Variants in NBAS observed in about 807,000 individuals in gnomAD.
NBAS encodes NAG/BC035112 fusion.
A neutral mutation model predicts 302.5 loss-of-function variants in NBAS; 219 were observed. That is an observed-to-expected ratio of 0.72 (90% CI 0.65 to 0.81). The LOEUF (loss-of-function observed/expected upper bound fraction) is 0.81. Ranked by LOEUF, NBAS falls within the 30% of genes least tolerant of loss-of-function variation. NBAS has a pLI of 0.00. For missense variants in NBAS, 2,932 were observed against 2,841.6 expected, an observed-to-expected ratio of 1.03 and a Z score of -0.72; for synonymous variants, 1,118 against 1,021.6, an observed-to-expected ratio of 1.09 and a Z score of -1.80.
At chr2:15,161,041 CTA>C in the NBAS span, among the ~76,000 whole-genome samples, 6 of 152,144 alleles carry the variant, frequency 3.9e-5, no homozygotes, top group Non-Finnish European at 8.8e-5. Context: ...GTCATGGAGA[CTA>C]TTAGCATAGT....
At chr2:14,807,433 C>T in the NBAS span, among the ~76,000 whole-genome samples, 1 of 144,216 alleles carries the variant, frequency 6.9e-6, no homozygotes, top group African/African-American at 2.7e-5. Flanking sequence ...AAAGAGTTTT[C>T]AAATCCCGTG....
intron 48 of NBAS, among the ~76,000 whole-genome samples, chr2:15,202,912 T>G (rs974812475): frequency 6.6e-6 from 1 of 152,198 alleles, no homozygotes; most frequent in African/African-American, 2.4e-5. Context: ...GATGAAGTTT[T>G]AATAGAATAA....
chr2:15,217,904 A>G (rs1666723924), intron 48 of NBAS, among the ~76,000 whole-genome samples: 1 of 152,240 alleles, frequency 6.6e-6, no homozygotes, highest in African/African-American at 2.4e-5. Flanking sequence ...GATAATAATT[A>G]TAAATAATTA....
intron 25 of NBAS, among the ~76,000 whole-genome samples, chr2:15,406,880 GACA>G (rs955040645): frequency 3.9e-5 from 6 of 152,072 alleles, no homozygotes; most frequent in African/African-American, 1.4e-4. Flanking sequence ...TTTAAAATAT[GACA>G]ACAAATTCTG....
the NBAS span, among the ~76,000 whole-genome samples, chr2:14,973,071 C>T: frequency 6.6e-6 from 1 of 152,178 alleles, no homozygotes; most frequent in Non-Finnish European, 1.5e-5. Context: ...TAATGCCCAC[C>T]CACAGGTATT....
intron 28 of NBAS, chr2:15,393,629 A>ACACAAATGAAAGCGTATGTCT (rs1553303615): frequency 8.5e-6 from 4 of 469,842 alleles, no homozygotes; most frequent in African/African-American, 2.0e-5. Flanking sequence ...GCGTATGTCT[A>ACACAAATGAAAGCGTATGTCT]CACAAACACT....
chr2:15,415,995 G>A (rs1558318064), intron 24 of NBAS, among the ~76,000 whole-genome samples: 1 of 152,014 alleles, frequency 6.6e-6, no homozygotes, highest in Admixed American at 6.5e-5. Context: ...GGGTCCCAAG[G>A]AGCCTAAGCT....
chr2:15,002,899 T>C, the NBAS span, among the ~76,000 whole-genome samples: 1 of 152,196 alleles, frequency 6.6e-6, no homozygotes, highest in Non-Finnish European at 1.5e-5. Flanking sequence ...GCAGCCCCTG[T>C]TCCCGCTGGC....
intron 48 of NBAS, among the ~76,000 whole-genome samples, chr2:15,207,829 C>T (rs1360783946): frequency 2.0e-5 from 3 of 152,086 alleles, no homozygotes; most frequent in Non-Finnish European, 2.9e-5. Flanking sequence ...AACCTCTTTT[C>T]TTTATAAATT....
intron 32 of NBAS, among the ~76,000 whole-genome samples, chr2:15,362,206 G>A (rs904231410): frequency 1.3e-5 from 2 of 151,688 alleles, no homozygotes; most frequent in African/African-American, 4.8e-5. Context: ...GGCCAGGCAC[G>A]GTGGCTCACG....
intron 48 of NBAS, among the ~76,000 whole-genome samples, chr2:15,215,109 T>G (rs945396384): frequency 2.0e-5 from 3 of 152,122 alleles, no homozygotes; most frequent in Non-Finnish European, 4.4e-5. Flanking sequence ...AACCGTACTA[T>G]GAGGATTAAC....
Position 15,329,585 on chromosome 2 carries a change from C to T in NBAS, c.4347+1013G>A, listed in dbSNP as rs181149944. 4.0e-3 allele frequency among the ~76,000 whole-genome samples: 615 copies of T among 152,266 alleles called. 5 individuals are homozygous for T. The highest frequency in any genetic ancestry group is 0.019 in the South Asian group (91 of 4,824). On this transcript the variant is annotated intron_variant, in intron 36 of 51. Coordinates refer to ENST00000281513, the MANE Select transcript of NBAS (RefSeq NM_015909.4). ...CTTACTCAAAATCAAAATCTATAGT[C>T]GTTATCACAGTCTACATGAGGCTCT... is the stretch of plus-strand genomic sequence containing the variant.
chr2:15,548,005 T>C (rs1664196367), intron 6 of NBAS, among the ~76,000 whole-genome samples: 1 of 152,194 alleles, frequency 6.6e-6, no homozygotes, highest in Non-Finnish European at 1.5e-5. Context: ...ATAAAAAATA[T>C]TAATGCCATG....
chr2:14,844,334 G>A, the NBAS span, among the ~76,000 whole-genome samples: 2 of 152,090 alleles, frequency 1.3e-5, no homozygotes, highest in Non-Finnish European at 2.9e-5. Context: ...TGAAGGGAAG[G>A]AGCCAGTCCC....
the NBAS span, among the ~76,000 whole-genome samples, chr2:14,875,302 G>A: frequency 3.3e-5 from 5 of 152,114 alleles, no homozygotes; most frequent in Non-Finnish European, 7.4e-5. Flanking sequence ...TAGCAAGATT[G>A]CAGGATATGA....
chr2:15,014,186 A>G, the NBAS span, among the ~76,000 whole-genome samples: 36 of 152,182 alleles, frequency 2.4e-4, no homozygotes, highest in African/African-American at 8.2e-4. Flanking sequence ...AGAGATAGAC[A>G]CTTGTGAAAT....
chr2:14,871,293 A>T, the NBAS span, among the ~76,000 whole-genome samples: 3 of 152,118 alleles, frequency 2.0e-5, no homozygotes, highest in African/African-American at 7.2e-5. Context: ...CCTATAGAAC[A>T]AAGAAACTTA....
rs755225158 is a variant in NBAS, at chr2:15,473,280, A to G, written c.1667T>C (p.Val556Ala). 2.8e-5 allele frequency: 45 copies of G among 1,613,986 alleles called. No homozygotes were observed. Among genetic ancestry groups the G allele is most frequent in the Non-Finnish European group, 3.8e-5 (45 of 1,179,940 alleles). The change falls in exon 16 of 52, where the codon GTA (valine) becomes GCA (alanine). Residue 556 changes from valine (V) to alanine (A), a missense_variant. Physicochemically the swap from Val to Ala is moderately conservative, Grantham distance 64. Coordinates refer to ENST00000281513, the MANE Select transcript of NBAS (RefSeq NM_015909.4). The part of the protein sequence containing the change: ...AHTYGLDTDL[V>A]YQRQWRKSAV... ...TGACTTCCTCCACTGCCTCTGATAT[A>G]CAAGGTCAGTATCCAGGCCGTAGGT... is the stretch of plus-strand genomic sequence containing the variant.
At chr2:15,549,940 C>T (rs1664298026) in intron 6 of NBAS, among the ~76,000 whole-genome samples, 1 of 152,020 alleles carries the variant, frequency 6.6e-6, no homozygotes, top group Non-Finnish European at 1.5e-5. Flanking sequence ...ACTGCTTGAG[C>T]CCAGGAGTTT....
Sources: allele counts gnomAD v4.1 joint callset (sites outside exome capture counted in the v4.1 genomes callset), GRCh38; gene constraint gnomAD v4.1.1; transcripts MANE v1.5; gene names NCBI Gene and HGNC (gene_info 2026-07-23, HGNC 2026-07-21).